AFAP1: variants seen among roughly 807,000 people sequenced by gnomAD.
AFAP1 encodes the protein actin filament associated protein 1, also known as actin filament-associated protein 1.
Under a neutral mutation model 93.9 loss-of-function variants are expected in AFAP1, and 75 were observed. That is an observed-to-expected ratio of 0.80 (90% CI 0.66 to 0.97). The LOEUF is 0.97. Ranked by LOEUF, AFAP1 falls within the 50% of genes least tolerant of loss-of-function variation. The probability of loss-of-function intolerance (pLI) is 0.00; values close to 1 mark genes in which losing one functional copy is unlikely to be tolerated. For missense variants in AFAP1, 1,201 were observed against 1,050.8 expected, an observed-to-expected ratio of 1.14 and a Z score of -1.98; for synonymous variants, 517 against 430.7, an observed-to-expected ratio of 1.20 and a Z score of -2.48.
intron 9 of AFAP1, among the ~76,000 whole-genome samples, chr4:7,801,296 T>C (rs1180106488): frequency 2.0e-5 from 3 of 152,136 alleles, no homozygotes; most frequent in Admixed American, 6.5e-5. Context: ...CGGGTGAAGC[T>C]GCCCGGAGGA....
intron 9 of AFAP1, among the ~76,000 whole-genome samples, chr4:7,808,476 G>A (rs1244589161): frequency 1.3e-5 from 2 of 150,718 alleles, no homozygotes; most frequent in South Asian, 2.1e-4. Context: ...GGGGGCCAGG[G>A]CTGTTGTGGT....
At chr4:7,783,091 C>T (rs889440451) in intron 12 of AFAP1, among the ~76,000 whole-genome samples, 9 of 152,126 alleles carry the variant, frequency 5.9e-5, no homozygotes, top group African/African-American at 2.2e-4. Context: ...GTTGGGTAAA[C>T]ATTACTAAAG....
chr4:7,893,537 C>T (rs888634301), intron 1 of AFAP1, among the ~76,000 whole-genome samples: 3 of 144,008 alleles, frequency 2.1e-5, no homozygotes, highest in Admixed American at 7.2e-5. Flanking sequence ...GCCGAGATCA[C>T]GCCACTGCAC....
At chr4:7,869,648 T>C (rs1031806640) in intron 2 of AFAP1, among the ~76,000 whole-genome samples, 1 of 152,178 alleles carries the variant, frequency 6.6e-6, no homozygotes, top group East Asian at 1.9e-4. Flanking sequence ...GTACTATTTG[T>C]ATGCCTAACA....
At chr4:7,878,878 T>C (rs186089492) in intron 1 of AFAP1, among the ~76,000 whole-genome samples, 23 of 152,248 alleles carry the variant, frequency 1.5e-4, no homozygotes, top group Admixed American at 7.8e-4. Flanking sequence ...ACTCTCTAAA[T>C]TTTGCTCCCG....
rs1433235878 is a variant in AFAP1 at position 7,939,425 on chromosome 4, C to A, written c.-3+231G>T. 3.3e-6 allele frequency: 1 copy of A among 302,404 alleles called. No homozygotes were observed. The allele number at this position is 302,404 out of a possible 1,614,324, so 18.7% of individuals were successfully genotyped here. On this transcript the variant is annotated intron_variant, in intron 1 of 17. Transcript: ENST00000420658. The surrounding 1 kb of genome is among the most constrained non-coding windows in gnomAD (Gnocchi z 5.6). ...CCACGCAGTCCCCTCCGGGCAGACG[C>A]GGGGAGCTGGGGAGCAGTGGGGACC...
chr4:7,909,123 A>C (rs114274250), intron 1 of AFAP1, among the ~76,000 whole-genome samples: 1 of 152,248 alleles, frequency 6.6e-6, no homozygotes, highest in South Asian at 2.1e-4. Context: ...TAATATTTAC[A>C]TTTAAATATG....
intron 1 of AFAP1, among the ~76,000 whole-genome samples, chr4:7,887,742 A>G (rs1257363851): frequency 6.6e-6 from 1 of 151,940 alleles, no homozygotes; most frequent in Non-Finnish European, 1.5e-5. Context: ...GACACAAAGG[A>G]GGAATTTGTC....
At chr4:7,917,911 G>A (rs1019284103) in intron 1 of AFAP1, among the ~76,000 whole-genome samples, 2 of 152,192 alleles carry the variant, frequency 1.3e-5, no homozygotes, top group African/African-American at 4.8e-5. Context: ...AAAGAGACCA[G>A]GGCAGTGATG....
chr4:7,875,509 T>G (rs1030817796), intron 1 of AFAP1, among the ~76,000 whole-genome samples: 2 of 152,066 alleles, frequency 1.3e-5, no homozygotes, highest in African/African-American at 4.8e-5. Context: ...ATCCCAGCAC[T>G]TTGAGAGGCT....
intron 1 of AFAP1, among the ~76,000 whole-genome samples, chr4:7,930,918 T>C (rs1177245953): frequency 6.6e-6 from 1 of 152,166 alleles, no homozygotes; most frequent in East Asian, 1.9e-4. Context: ...AACCGACTAA[T>C]TTTTGTATTT....
chr4:7,797,567 T>C (rs1455978944), intron 10 of AFAP1, among the ~76,000 whole-genome samples: 2 of 152,200 alleles, frequency 1.3e-5, no homozygotes, highest in Non-Finnish European at 2.9e-5. Flanking sequence ...AGCAGTCTCC[T>C]TCCTAAGTGT....
At chr4:7,771,610 G>T (rs1028279564) in intron 16 of AFAP1, among the ~76,000 whole-genome samples, 1 of 152,198 alleles carries the variant, frequency 6.6e-6, no homozygotes. Flanking sequence ...TCCACACACA[G>T]TCTATGCAGC....
In AFAP1 at chr4:7,799,836, A is replaced by G. The variant is rs976030175; in HGVS notation, c.1266+606T>C. The stretch of plus-strand genomic sequence containing the variant: ...AGTTTTAACTGTCTTTTCTGCTTTC[A>G]TGAGTAAGAAATTCTAGTGAAGCAG... On this transcript the variant is annotated intron_variant, in intron 10 of 17. Transcript: ENST00000420658. Among the ~76,000 whole-genome samples the G allele has an allele frequency of 2.0e-5, 3 of 152,336 alleles. 1 individual carries two copies. Among genetic ancestry groups the G allele is most frequent in the African/African-American group, 7.2e-5 (3 of 41,580 alleles).
rs889308494 is a variant in AFAP1 at position 7,761,357 on chromosome 4, G to T, written c.*2408C>A. The T allele has an allele frequency of 6.6e-6, 1 of 152,250 alleles. No homozygotes were observed. The highest frequency in any genetic ancestry group is 1.9e-4 in the East Asian group (1 of 5,202). The allele number at this position is 152,250 out of a possible 1,614,324, so 9.4% of individuals were successfully genotyped here. A position where few individuals can be genotyped will look rare whatever the true frequency, so the allele number is the denominator to read the frequency against. On this transcript the variant is annotated 3_prime_UTR_variant, in exon 18 of 18. Coordinates refer to ENST00000420658, the MANE Select transcript of AFAP1 (RefSeq NM_001134647.2). ...CCTCCGCTTTAAAAGGCTTAGGGTT[G>T]TGGATGTGAATTACAAACCTGGGTT... is the stretch of plus-strand genomic sequence containing the variant.
At chr4:7,889,440 C>T (rs563281918) in intron 1 of AFAP1, among the ~76,000 whole-genome samples, 1 of 146,384 alleles carries the variant, frequency 6.8e-6, no homozygotes, top group Non-Finnish European at 1.5e-5. Flanking sequence ...CCCAGCTACT[C>T]GGGAGAGGAG....
chr4:7,877,693 CATA>C (rs990210460), intron 1 of AFAP1, among the ~76,000 whole-genome samples: 6 of 152,312 alleles, frequency 3.9e-5, no homozygotes, highest in African/African-American at 7.2e-5. Context: ...TTGAACATTT[CATA>C]ATAATAATTC....
intron 1 of AFAP1, among the ~76,000 whole-genome samples, chr4:7,906,435 G>C (rs571818558): frequency 6.6e-6 from 1 of 152,170 alleles, no homozygotes; most frequent in African/African-American, 2.4e-5. Context: ...ATTAAGAGCA[G>C]AGTTAAGACT....
At chr4:7,910,607 T>A (rs1166605216) in intron 1 of AFAP1, among the ~76,000 whole-genome samples, 1 of 151,672 alleles carries the variant, frequency 6.6e-6, no homozygotes, top group African/African-American at 2.4e-5. Context: ...ACAGCGGGAG[T>A]AACAGACCAA....
Sources: gnomAD v4.1 joint callset for allele counts (sites outside exome capture counted in the v4.1 genomes callset) on GRCh38, gnomAD v4.1.1 for gene constraint, Gnocchi (gnomAD v3.1) non-coding constraint, MANE v1.5 for transcripts, NCBI Gene and HGNC (gene_info 2026-07-23, HGNC 2026-07-21) for gene names.